Variants in ECHDC2 observed in about 807,000 individuals in gnomAD.
The protein encoded by ECHDC2 is enoyl-CoA hydratase domain containing 2.
ECHDC2 carries 34 observed loss-of-function variants against 40.6 expected under a neutral mutation model. The observed-to-expected ratio is 0.84, with a 90% CI of 0.64 to 1.11. ECHDC2 has a LOEUF of 1.11. Ranked by LOEUF, ECHDC2 falls within the 50% of genes most tolerant of loss-of-function variation. The pLI is 0.00. For missense variants in ECHDC2, 392 were observed against 400.7 expected (o/e 0.98, Z 0.19); for synonymous variants, 162 against 166.6 (o/e 0.97, Z 0.21).
chr1:52,920,966 G>C (rs990268965), intron 1 of ECHDC2, among the ~76,000 whole-genome samples: 8 of 152,242 alleles, frequency 5.3e-5, no homozygotes, highest in African/African-American at 1.9e-4. Flanking sequence ...GATCAGAGGC[G>C]TTTTCTGCCA....
At chr1:52,896,618 T>C (rs1386522590) in intron 9 of ECHDC2, 21 bp from the exon 10 acceptor site, 20 of 1,609,158 alleles carry the variant, frequency 1.2e-5, no homozygotes, top group Admixed American at 5.0e-5. Flanking sequence ...GTACAAAATA[T>C]TAGTTTTGGG....
At position 52,921,551 on chromosome 1, in the gene ECHDC2, A is replaced by AC. The variant is rs764922305; in HGVS notation, c.121+1dup. On this transcript the variant is annotated splice_donor_variant, in intron 1 of 9. Transcript: ENST00000371522. LOFTEE classifies it high-confidence loss of function. ...TGCGCCGCCCCGGAACTGCACATTT[A>AC]CCTTGGTCCGGACCCGCCAGGGCGC... 19 of 1,608,514 alleles carry AC rather than the reference A, an allele frequency of 1.2e-5. No individual in the cohort carries two copies. In the South Asian group the frequency reaches 2.1e-4, roughly 18 times the overall value.
intron 5 of ECHDC2, 183 bp from the exon 6 acceptor site, chr1:52,905,273 A>C: frequency 1.6e-6 from 1 of 620,992 alleles, no homozygotes; most frequent in Non-Finnish European, 2.8e-6. Context: ...TCAGGAGCCC[A>C]GGCCCTTATT....
intron 5 of ECHDC2, chr1:52,905,435 TC>T (rs1647531361): frequency 3.2e-6 from 1 of 316,308 alleles, no homozygotes; most frequent in Non-Finnish European, 5.9e-6. Flanking sequence ...CAAGGAGAGT[TC>T]CTAGGAGGTG....
intron 7 of ECHDC2, chr1:52,900,648 A>G (rs1045168159): frequency 3.9e-5 from 6 of 152,144 alleles, no homozygotes; most frequent in African/African-American, 7.2e-5. Context: ...TGATCTGGGG[A>G]GAGAGAGGGA....
chr1:52,903,818 TTTC>T (rs1180026751), intron 7 of ECHDC2, among the ~76,000 whole-genome samples: 7 of 150,288 alleles, frequency 4.7e-5, no homozygotes, highest in South Asian at 2.1e-4. Flanking sequence ...TCTTTCTTTC[TTTC>T]TTTTTTTTTT....
In ECHDC2 at chr1:52,912,066, A is replaced by G. The variant is rs1571977608; in HGVS notation, c.122-276T>C. 3.6e-6 allele frequency: 5 copies of G among 1,374,778 alleles called. No homozygotes were observed. The East Asian group carries it at 1.4e-4, about 39-fold the overall frequency. The allele number at this position is 1,374,778 out of a possible 1,614,324, so 85.2% of individuals were successfully genotyped here. A position where few individuals can be genotyped will look rare whatever the true frequency, so the allele number is the denominator to read the frequency against. ...GAGGAACAACAGTGACTACCACAGT[A>G]GCCCTTGCCTGCTTCTGCTGTTGTT... is the stretch of plus-strand genomic sequence containing the variant. On this transcript the variant is annotated intron_variant, in intron 1 of 9. Transcript: ENST00000371522.
intron 1 of ECHDC2, among the ~76,000 whole-genome samples, chr1:52,919,378 TAC>T (rs1419302986): frequency 6.6e-6 from 1 of 152,198 alleles, no homozygotes; most frequent in African/African-American, 2.4e-5. Flanking sequence ...ACCATTGTGT[TAC>T]AGTTGCCTAC....
intron 1 of ECHDC2, among the ~76,000 whole-genome samples, chr1:52,918,665 G>A (rs116432585): frequency 0.03 from 4,524 of 152,260 alleles, 233 homozygotes; most frequent in African/African-American, 0.1. Context: ...TGTGTTTTAA[G>A]CTGAGTGTTA....
chr1:52,897,157 CA>C (rs1304241931), intron 9 of ECHDC2: 1 of 518,932 alleles, frequency 1.9e-6, no homozygotes, highest in Non-Finnish European at 3.5e-6. Context: ...GATACAGAGG[CA>C]AAAGATGTGG....
Position 52,915,440 on chromosome 1 carries a change from C to A in ECHDC2, c.122-3650G>T, listed in dbSNP as rs1571993620. 2.0e-5 allele frequency: 9 copies of A among 441,712 alleles called. 1 individual carries two copies. The highest frequency in any genetic ancestry group is 1.3e-4 in the South Asian group (8 of 62,734). 27.4% of individuals were successfully genotyped at this position (441,712 alleles called of 1,614,324 possible). A position where few individuals can be genotyped will look rare whatever the true frequency, so the allele number is the denominator to read the frequency against. On this transcript the variant is annotated intron_variant, in intron 1 of 9. Transcript: ENST00000371522. ...TATGGCTAGGGGCAAAGAACTGTAA[C>A]ATTCAGGCAAACTGGACTTCCTTAG...
At chr1:52,916,371 T>C (rs1290645602) in intron 1 of ECHDC2, among the ~76,000 whole-genome samples, 1 of 152,062 alleles carries the variant, frequency 6.6e-6, no homozygotes, top group African/African-American at 2.4e-5. Context: ...TACATCTCCC[T>C]CTCGGAATAC....
intron 7 of ECHDC2, among the ~76,000 whole-genome samples, chr1:52,903,583 G>C (rs892340837): frequency 2.0e-5 from 3 of 151,686 alleles, no homozygotes; most frequent in African/African-American, 7.3e-5. Flanking sequence ...GGGATTACAG[G>C]CTCGAACTAC....
chr1:52,896,424 A>C lies in ECHDC2; in HGVS notation c.*96T>G, dbSNP rs1646637403. Reference sequence around the variant, plus strand: ...TCCTTGTGAAGAAATGGAAGTCTGGAGAGGTGAAATGATGAAGGCAATCTG... The same window carrying C: ...TCCTTGTGAAGAAATGGAAGTCTGGCGAGGTGAAATGATGAAGGCAATCTG... On this transcript the variant is annotated 3_prime_UTR_variant, in exon 10 of 10. Transcript: ENST00000371522. 2 of 940,414 alleles carry C rather than the reference A, an allele frequency of 2.1e-6. No individual in the cohort carries two copies. The highest frequency in any genetic ancestry group is 3.5e-6 in the Non-Finnish European group (2 of 568,102). 58.3% of individuals were successfully genotyped at this position (940,414 alleles called of 1,614,324 possible).
At chr1:52,897,078 A>C in intron 9 of ECHDC2, 1 of 383,516 alleles carries the variant, frequency 2.6e-6, no homozygotes, top group Non-Finnish European at 4.8e-6. Flanking sequence ...CCCTACATTG[A>C]ACACAGCCTG....
chr1:52,899,407 A>C (rs965236646), intron 7 of ECHDC2, 183 bp from the exon 8 acceptor site: 4 of 615,508 alleles, frequency 6.5e-6, no homozygotes, highest in Non-Finnish European at 1.2e-5. Context: ...TTCTATCATG[A>C]AAGAAGCCAG....
chr1:52,904,378 TATCTC>T (rs1236327650), intron 7 of ECHDC2, among the ~76,000 whole-genome samples: 2 of 152,228 alleles, frequency 1.3e-5, no homozygotes, highest in African/African-American at 4.8e-5. Flanking sequence ...ATAGAACATT[TATCTC>T]ATCTCAGAAT....
intron 7 of ECHDC2, chr1:52,899,990 T>TC (rs1258989080): frequency 3.7e-5 from 5 of 134,606 alleles, no homozygotes; most frequent in African/African-American, 1.6e-4. Context: ...AGGAAAAGTC[T>TC]CAAAAAAAAA....
intron 5 of ECHDC2, chr1:52,906,309 T>C: frequency 1.5e-6 from 1 of 663,850 alleles, no homozygotes; most frequent in Non-Finnish European, 2.8e-6. Flanking sequence ...AAGCAGGTTC[T>C]GACAGGTCAC....
Sources: allele counts gnomAD v4.1 joint callset (sites outside exome capture counted in the v4.1 genomes callset), GRCh38; gene constraint gnomAD v4.1.1; transcripts MANE v1.5; gene names NCBI Gene and HGNC (gene_info 2026-07-23, HGNC 2026-07-21).